Variants in ZSWIM5 observed in about 807,000 individuals in gnomAD.
The protein encoded by ZSWIM5 is zinc finger SWIM domain-containing protein 5.
ZSWIM5 carries 55 observed loss-of-function variants against 119.6 expected under a neutral mutation model. That is an observed-to-expected ratio of 0.46 (90% CI 0.37 to 0.58). ZSWIM5 has a LOEUF of 0.58. Ranked by LOEUF, ZSWIM5 falls within the 20% of genes least tolerant of loss-of-function variation. ZSWIM5 has a pLI of 0.00. For synonymous variants in ZSWIM5, 537 were observed against 606.9 expected, an observed-to-expected ratio of 0.88 and a Z score of 1.69; for missense variants, 1,193 against 1,512.8, an observed-to-expected ratio of 0.79 and a Z score of 3.51.
intron 1 of ZSWIM5, among the ~76,000 whole-genome samples, chr1:45,132,809 G>A (rs1645666117): frequency 6.6e-6 from 1 of 151,992 alleles, no homozygotes; most frequent in Non-Finnish European, 1.5e-5. Context: ...TCCCCTTCCT[G>A]TGTCCAAATG....
chr1:45,156,151 C>G (rs910906425), intron 1 of ZSWIM5, among the ~76,000 whole-genome samples: 1 of 152,010 alleles, frequency 6.6e-6, no homozygotes, highest in Non-Finnish European at 1.5e-5. Context: ...CATGGATGCA[C>G]CTGGAGACCA....
chr1:45,170,124 G>A (rs559506661), intron 1 of ZSWIM5, among the ~76,000 whole-genome samples: 9 of 152,068 alleles, frequency 5.9e-5, no homozygotes, highest in South Asian at 2.1e-4. Context: ...CCTACATTCC[G>A]AAAAAGCCAT....
intron 1 of ZSWIM5, among the ~76,000 whole-genome samples, chr1:45,163,297 T>C (rs576941288): frequency 6.6e-6 from 1 of 152,206 alleles, no homozygotes; most frequent in East Asian, 1.9e-4. Context: ...AGAAAGGACA[T>C]CCACACCAAA....
In ZSWIM5 at chr1:45,129,153, GTT is replaced by G. The variant is rs869042927; in HGVS notation, c.596-40918_596-40917del. 9.6e-3 allele frequency among the ~76,000 whole-genome samples: 672 copies of G among 69,976 alleles called. 2 individuals are homozygous for G. Among genetic ancestry groups the G allele is most frequent in the African/African-American group, 0.035 (644 of 18,158 alleles). 45.9% of individuals were successfully genotyped at this position (69,976 alleles called of 152,430 possible). A position where few individuals can be genotyped will look rare whatever the true frequency, so the allele number is the denominator to read the frequency against. On this transcript the variant is annotated intron_variant, in intron 1 of 13. Coordinates refer to ENST00000359600, the MANE Select transcript of ZSWIM5 (RefSeq NM_020883.2). ...TTATACTTTTCCTCACATACATCTTGTTTTTTTTTTTTTTTTTTTTTTTTTGA... is the reference window on the plus strand; with the variant it reads ...TTATACTTTTCCTCACATACATCTTGTTTTTTTTTTTTTTTTTTTTTTTGA...
chr1:45,084,359 G>A (rs1275271975), intron 2 of ZSWIM5, among the ~76,000 whole-genome samples: 1 of 152,094 alleles, frequency 6.6e-6, no homozygotes, highest in Non-Finnish European at 1.5e-5. Context: ...TTTGGGTGGG[G>A]ACACAAATCC....
At chr1:45,178,091 C>A (rs1645991709) in intron 1 of ZSWIM5, among the ~76,000 whole-genome samples, 1 of 151,930 alleles carries the variant, frequency 6.6e-6, no homozygotes, top group African/African-American at 2.4e-5. Context: ...GGTTGTGAAA[C>A]CAAAACCCCA....
At chr1:45,196,703 C>T (rs1646128013) in intron 1 of ZSWIM5, among the ~76,000 whole-genome samples, 1 of 152,116 alleles carries the variant, frequency 6.6e-6, no homozygotes, top group South Asian at 2.1e-4. Flanking sequence ...GCCCACAATT[C>T]TTTTCTTTAA....
At chr1:45,052,587 T>C (rs1294039504) in intron 4 of ZSWIM5, among the ~76,000 whole-genome samples, 1 of 151,866 alleles carries the variant, frequency 6.6e-6, no homozygotes, top group Non-Finnish European at 1.5e-5. Flanking sequence ...CTGGGCAACA[T>C]GGTGAAACCC....
chr1:45,106,157 CCGG>C (rs1645475177), intron 1 of ZSWIM5, among the ~76,000 whole-genome samples: 1 of 136,622 alleles, frequency 7.3e-6, no homozygotes, highest in Admixed American at 7.4e-5. Flanking sequence ...GCGTCTCTGC[CCGG>C]CCGCCCCGTC....
chr1:45,084,910 C>G (rs550441159), intron 2 of ZSWIM5, among the ~76,000 whole-genome samples: 1 of 152,330 alleles, frequency 6.6e-6, no homozygotes, highest in Admixed American at 6.5e-5. Context: ...AGGACAGTAG[C>G]CCCCTTCTCA....
chr1:45,033,284 ATTTG>A (rs773958113), intron 11 of ZSWIM5, among the ~76,000 whole-genome samples: 3 of 151,982 alleles, frequency 2.0e-5, no homozygotes, highest in East Asian at 1.9e-4. Context: ...CTATTTTTGT[ATTTG>A]TTTGCTGATC....
In ZSWIM5 at chr1:45,120,004, T is replaced by C. The variant is rs72888942; in HGVS notation, c.596-31767A>G. 3.1e-3 allele frequency among the ~76,000 whole-genome samples: 469 copies of C among 152,308 alleles called. 2 individuals carry two copies. The highest frequency in any genetic ancestry group is 0.01 in the African/African-American group (423 of 41,568). On this transcript the variant is annotated intron_variant, in intron 1 of 13. Transcript: ENST00000359600. The stretch of plus-strand genomic sequence containing the variant: ...AACCCTAAGTCTAGATGAACCCAAT[T>C]GCCTGTTCTTTCTAAATTCAACCAC...
chr1:45,185,464 A>G (rs900334339), intron 1 of ZSWIM5, among the ~76,000 whole-genome samples: 1 of 152,040 alleles, frequency 6.6e-6, no homozygotes, highest in African/African-American at 2.4e-5. Context: ...TGAACAGGCA[A>G]CCTACAGAAT....
At chr1:45,089,457 G>A (rs1645351320) in intron 1 of ZSWIM5, among the ~76,000 whole-genome samples, 1 of 152,130 alleles carries the variant, frequency 6.6e-6, no homozygotes, top group Admixed American at 6.5e-5. Flanking sequence ...ACTGTTTTGG[G>A]TACTTTTAAT....
intron 2 of ZSWIM5, among the ~76,000 whole-genome samples, chr1:45,069,299 G>A (rs563716505): frequency 3.3e-5 from 5 of 152,024 alleles, no homozygotes; most frequent in South Asian, 2.1e-4. Flanking sequence ...GGTGGTGGGC[G>A]CCTGGAGTCC....
chr1:45,186,193 T>C (rs979749163), intron 1 of ZSWIM5, among the ~76,000 whole-genome samples: 51 of 139,826 alleles, frequency 3.6e-4, no homozygotes, highest in African/African-American at 1.1e-3. Context: ...TAGATGGGAA[T>C]TGAACAATGA....
chr1:45,021,280 G>A (rs1644886468), intron 11 of ZSWIM5, among the ~76,000 whole-genome samples: 1 of 152,082 alleles, frequency 6.6e-6, no homozygotes, highest in South Asian at 2.1e-4. Context: ...ATGATCTACT[G>A]CGCCGGGCAA....
intron 1 of ZSWIM5, among the ~76,000 whole-genome samples, chr1:45,189,665 G>A (rs568214960): frequency 1.3e-5 from 2 of 152,012 alleles, no homozygotes; most frequent in African/African-American, 4.8e-5. Flanking sequence ...CTGAGGTGAG[G>A]GAATTACCTG....
intron 1 of ZSWIM5, among the ~76,000 whole-genome samples, chr1:45,125,852 G>A (rs951326559): frequency 2.0e-5 from 3 of 151,538 alleles, no homozygotes; most frequent in Non-Finnish European, 4.4e-5. Flanking sequence ...AATCGCTTGA[G>A]GCCAGGAGTT....
Sources: gnomAD v4.1 joint callset for allele counts (sites outside exome capture counted in the v4.1 genomes callset) on GRCh38, gnomAD v4.1.1 for gene constraint, MANE v1.5 for transcripts, NCBI Gene and HGNC (gene_info 2026-07-23, HGNC 2026-07-21) for gene names.